The following ALCAM variants were observed in gnomAD, a reference collection of about 807,000 sequenced individuals.
ALCAM encodes activated leukocyte cell adhesion molecule.
In ALCAM, 30 loss-of-function variants were observed where a neutral mutation model predicts 70.9. That is an observed-to-expected ratio of 0.42 (90% CI 0.32 to 0.57). The LOEUF (loss-of-function observed/expected upper bound fraction) is 0.57. Among genes scored for constraint, ALCAM ranks in the 20% least tolerant of loss-of-function variants. The pLI is 0.11. For synonymous variants in ALCAM, 249 were observed against 242.5 expected (o/e 1.03, Z -0.25); for missense variants, 591 against 695.1 (o/e 0.85, Z 1.68).
chr3:105,408,017 C>T (rs2107387424), intron 1 of ALCAM, among the ~76,000 whole-genome samples: 1 of 152,096 alleles, frequency 6.6e-6, no homozygotes, highest in South Asian at 2.1e-4. Context: ...ACGTGAAAGA[C>T]CTTACAAAGA....
chr3:105,490,367 A>C (rs1938547342), intron 1 of ALCAM, among the ~76,000 whole-genome samples: 1 of 152,232 alleles, frequency 6.6e-6, no homozygotes, highest in African/African-American at 2.4e-5. Context: ...TGTATAAATA[A>C]AGATATCTGT....
At chr3:105,521,351 C>T (rs1052082068) in intron 2 of ALCAM, among the ~76,000 whole-genome samples, 2 of 148,130 alleles carry the variant, frequency 1.4e-5, no homozygotes, top group African/African-American at 2.5e-5. Context: ...CATCACTTCT[C>T]GGAGTCTTTC....
intron 4 of ALCAM, 73 bp from the exon 5 acceptor site, chr3:105,533,530 T>A (rs769482222): frequency 1.7e-5 from 22 of 1,327,638 alleles, no homozygotes; most frequent in Non-Finnish European, 2.3e-5. Flanking sequence ...CTGCATTGCC[T>A]GAGTTTCTGG....
intron 1 of ALCAM, among the ~76,000 whole-genome samples, chr3:105,429,437 A>G (rs932943928): frequency 1.3e-5 from 2 of 152,034 alleles, no homozygotes; most frequent in African/African-American, 4.8e-5. Flanking sequence ...TATAGTATCA[A>G]ATTATTAAAG....
chr3:105,464,900 A>G (rs2152599776), intron 1 of ALCAM, among the ~76,000 whole-genome samples: 1 of 151,548 alleles, frequency 6.6e-6, no homozygotes. Flanking sequence ...AAGCTAGTCA[A>G]CAGATAGAAC....
chr3:105,420,404 A>G (rs912213312), intron 1 of ALCAM, among the ~76,000 whole-genome samples: 77 of 151,754 alleles, frequency 5.1e-4, no homozygotes, highest in East Asian at 3.9e-4. Context: ...GTATCTACTA[A>G]AAATGAACCC....
chr3:105,567,092 A>C (rs2152635364), intron 14 of ALCAM, among the ~76,000 whole-genome samples: 1 of 152,186 alleles, frequency 6.6e-6, no homozygotes, highest in Admixed American at 6.5e-5. Context: ...TCTGGTGTGC[A>C]CTTTTTTTCT....
At chr3:105,439,456 G>A (rs1218659093) in intron 1 of ALCAM, 3 of 151,774 alleles carry the variant, frequency 2.0e-5, no homozygotes, top group African/African-American at 7.3e-5. Flanking sequence ...TTCATATATA[G>A]AAAGTCATAT....
chr3:105,433,817 C>A (rs1246965528), intron 1 of ALCAM, among the ~76,000 whole-genome samples: 1 of 149,458 alleles, frequency 6.7e-6, no homozygotes, highest in East Asian at 2.0e-4. Context: ...GGATTATAGA[C>A]AGTGCATTTA....
chr3:105,471,989 C>G (rs1040435308), intron 1 of ALCAM, among the ~76,000 whole-genome samples: 1 of 151,288 alleles, frequency 6.6e-6, no homozygotes, highest in African/African-American at 2.4e-5. Context: ...ACCATTCTAC[C>G]GTCTATTTCT....
At chr3:105,482,830 G>C (rs900238903) in intron 1 of ALCAM, among the ~76,000 whole-genome samples, 1 of 152,002 alleles carries the variant, frequency 6.6e-6, no homozygotes. Flanking sequence ...TTGTGGAGTC[G>C]TCTTTCTCTG....
chr3:105,524,149 GA>G (rs1301995944), intron 2 of ALCAM, 139 bp from the exon 3 acceptor site: 1 of 721,036 alleles, frequency 1.4e-6, no homozygotes, highest in Non-Finnish European at 2.2e-6. Flanking sequence ...ATATTTACGT[GA>G]GACTTGTATA....
intron 1 of ALCAM, among the ~76,000 whole-genome samples, chr3:105,514,440 C>G (rs552962793): frequency 1.5e-3 from 226 of 151,988 alleles, no homozygotes; most frequent in South Asian, 6.2e-3. Flanking sequence ...TGTAGAATAA[C>G]AAACTATCAG....
At position 105,575,667 on chromosome 3, in the gene ALCAM, A is replaced by G. The variant is rs2152637183; in HGVS notation, c.*1216A>G. On this transcript the variant is annotated 3_prime_UTR_variant, in exon 16 of 16. Transcript: ENST00000306107. ...GGAAATTTTTAAGGTGGTAGTATAA[A>G]TGGAAACTTTTTGAAGTAGACCAGA... 2 of 152,622 alleles carry G rather than the reference A, an allele frequency of 1.3e-5. No homozygotes were observed. The highest frequency in any genetic ancestry group is 6.8e-3 in the Middle Eastern group (2 of 294). 9.5% of individuals were successfully genotyped at this position (152,622 alleles called of 1,614,324 possible).
chr3:105,378,190 C>A (rs574043861), intron 1 of ALCAM, among the ~76,000 whole-genome samples: 17 of 151,798 alleles, frequency 1.1e-4, no homozygotes, highest in African/African-American at 3.9e-4. Context: ...GGAATAAAAT[C>A]TATTTTAGTC....
At chr3:105,540,202 G>A (rs2152628923) in intron 7 of ALCAM, 100 bp downstream of exon 7, 1 of 1,219,790 alleles carries the variant, frequency 8.2e-7, no homozygotes, top group East Asian at 2.6e-5. Context: ...TATTGCTGGA[G>A]ACAAGAGACG....
In ALCAM at chr3:105,574,963, G is replaced by A. The variant is rs1940930278; in HGVS notation, c.*512G>A. The A allele has an allele frequency of 1.3e-5, 2 of 152,290 alleles. No individual in the cohort carries two copies. Among genetic ancestry groups the A allele is most frequent in the African/African-American group, 4.8e-5 (2 of 41,386 alleles). 9.4% of individuals were successfully genotyped at this position (152,290 alleles called of 1,614,324 possible). A position where few individuals can be genotyped will look rare whatever the true frequency, so the allele number is the denominator to read the frequency against. ...AAAGGTGGCAGCTTGTGAAGATTGG[G>A]GACACTCATATTGCCCTAATTAAAA... On this transcript the variant is annotated 3_prime_UTR_variant, in exon 16 of 16. Coordinates refer to ENST00000306107, the MANE Select transcript of ALCAM (RefSeq NM_001627.4).
At chr3:105,449,759 A>C (rs1281421640) in intron 1 of ALCAM, among the ~76,000 whole-genome samples, 3 of 152,218 alleles carry the variant, frequency 2.0e-5, no homozygotes, top group Non-Finnish European at 2.9e-5. Context: ...TAATCAAACC[A>C]ATCAGCTTTA....
At chr3:105,398,842 C>T (rs1322411201) in intron 1 of ALCAM, among the ~76,000 whole-genome samples, 1 of 151,628 alleles carries the variant, frequency 6.6e-6, no homozygotes, top group Non-Finnish European at 1.5e-5. Flanking sequence ...TGCTTTGTTC[C>T]TTCTGCCAAG....
Sources: allele counts gnomAD v4.1 joint callset (sites outside exome capture counted in the v4.1 genomes callset), GRCh38; gene constraint gnomAD v4.1.1; transcripts MANE v1.5; gene names NCBI Gene and HGNC (gene_info 2026-07-23, HGNC 2026-07-21).